Variants in NTN4 observed in about 807,000 individuals in gnomAD.
The protein encoded by NTN4 is netrin 4.
NTN4 carries 32 observed loss-of-function variants against 73.6 expected under a neutral mutation model. The ratio of observed to expected loss-of-function variants is 0.44; its 90% CI spans 0.33 to 0.58. The LOEUF is 0.58. Ranked by LOEUF, NTN4 falls within the 20% of genes least tolerant of loss-of-function variation. NTN4 has a pLI of 0.04. For missense variants in NTN4, 654 were observed against 798.3 expected (o/e 0.82, Z 2.18); for synonymous variants, 258 against 287.5 (o/e 0.90, Z 1.04).
At position 95,678,492 on chromosome 12, in the gene NTN4, C is replaced by T. The variant is rs190274287; in HGVS notation, c.1510+4215G>A. Among the ~76,000 whole-genome samples the T allele has an allele frequency of 1.7e-3, 261 of 151,666 alleles. 1 individual carries two copies. Among genetic ancestry groups the T allele is most frequent in the Admixed American group, 6.6e-4 (10 of 15,234 alleles). ...TTCAGCTAAAAGCAAAACTCATTAA[C>T]GATAAAATTAGAAATAGAAGAGAAT... On this transcript the variant is annotated intron_variant, in intron 7 of 9. Coordinates refer to ENST00000343702, the MANE Select transcript of NTN4 (RefSeq NM_021229.4).
At chr12:95,725,508 AT>A (rs1440908080) in intron 3 of NTN4, among the ~76,000 whole-genome samples, 6 of 152,172 alleles carry the variant, frequency 3.9e-5, no homozygotes, top group Non-Finnish European at 8.8e-5. Context: ...TCTTACAAAG[AT>A]TTTTTTAAAG....
intron 2 of NTN4, among the ~76,000 whole-genome samples, chr12:95,767,775 G>A (rs2079030070): frequency 6.6e-6 from 1 of 151,900 alleles, no homozygotes; most frequent in Non-Finnish European, 1.5e-5. Flanking sequence ...TTTTCCAGGA[G>A]GTGGTGATAG....
intron 3 of NTN4, among the ~76,000 whole-genome samples, chr12:95,733,890 C>T (rs1210630804): frequency 1.3e-5 from 2 of 151,626 alleles, no homozygotes; most frequent in African/African-American, 2.4e-5. Context: ...GCCTACAGGG[C>T]GAAACCCCAT....
chr12:95,741,920 G>A (rs913967339), intron 2 of NTN4, among the ~76,000 whole-genome samples: 26 of 151,900 alleles, frequency 1.7e-4, no homozygotes, highest in Non-Finnish European at 4.4e-5. Flanking sequence ...GAAATCAATG[G>A]GTAAAGGAAA....
chr12:95,671,536 G>C (rs1306977823), intron 7 of NTN4, among the ~76,000 whole-genome samples: 1 of 152,164 alleles, frequency 6.6e-6, no homozygotes, highest in Non-Finnish European at 1.5e-5. Flanking sequence ...TGTGAACTGT[G>C]CATGTGAGGG....
At chr12:95,751,633 C>T (rs2078908148) in intron 2 of NTN4, among the ~76,000 whole-genome samples, 2 of 152,068 alleles carry the variant, frequency 1.3e-5, no homozygotes, top group South Asian at 2.1e-4. Context: ...CAGATCTTCT[C>T]GGCTTAGCGG....
chr12:95,661,027 G>A (rs1592803678), intron 9 of NTN4, among the ~76,000 whole-genome samples: 1 of 152,076 alleles, frequency 6.6e-6, no homozygotes, highest in Non-Finnish European at 1.5e-5. Context: ...AGCAGGAAGG[G>A]GTTATAACTT....
At chr12:95,725,400 T>C (rs1293751605) in intron 3 of NTN4, among the ~76,000 whole-genome samples, 1 of 152,152 alleles carries the variant, frequency 6.6e-6, no homozygotes. Context: ...GATTATTAAG[T>C]ACTTTTCACC....
intron 5 of NTN4, among the ~76,000 whole-genome samples, chr12:95,685,723 A>G (rs1048564605): frequency 2.0e-5 from 3 of 152,178 alleles, no homozygotes; most frequent in African/African-American, 4.8e-5. Context: ...TGAGCAAGAT[A>G]CCTAGGCTCT....
chr12:95,765,837 A>C (rs1318003274), intron 2 of NTN4, among the ~76,000 whole-genome samples: 4 of 152,222 alleles, frequency 2.6e-5, no homozygotes, highest in African/African-American at 9.7e-5. Flanking sequence ...CAAAGGAAGA[A>C]TCCAAGGCCC....
chr12:95,749,300 C>G (rs1036768683), intron 2 of NTN4, among the ~76,000 whole-genome samples: 6 of 152,186 alleles, frequency 3.9e-5, no homozygotes, highest in Middle Eastern at 3.2e-3. Context: ...TGCTGTGACT[C>G]GAATTGGGGG....
chr12:95,744,580 T>C (rs1414046750), intron 2 of NTN4, among the ~76,000 whole-genome samples: 1 of 152,182 alleles, frequency 6.6e-6, no homozygotes. Flanking sequence ...CCTCAACCTT[T>C]GCACTGTTGT....
chr12:95,790,936 G>GGT, upstream of NTN4, among the ~76,000 whole-genome samples: 1 of 149,330 alleles, frequency 6.7e-6, no homozygotes, highest in South Asian at 2.1e-4. This position sits in a 1 kb window ranked among gnomAD's most constrained non-coding sequence, Gnocchi z 6.5. Flanking sequence ...CCCGGGGGGG[G>GGT]GGTCCCCCGC....
chr12:95,778,230 C>A (rs1219484622), intron 2 of NTN4, among the ~76,000 whole-genome samples: 1 of 151,732 alleles, frequency 6.6e-6, no homozygotes, highest in Non-Finnish European at 1.5e-5. Flanking sequence ...AAATTGACAC[C>A]CTAACATCAC....
At chr12:95,681,851 T>C (rs1056124600) in intron 7 of NTN4, among the ~76,000 whole-genome samples, 10 of 152,214 alleles carry the variant, frequency 6.6e-5, no homozygotes, top group Non-Finnish European at 1.0e-4. Flanking sequence ...ATTCAGTTAA[T>C]GTCATTAATT....
chr12:95,681,472 A>G (rs894018715), intron 7 of NTN4, among the ~76,000 whole-genome samples: 1 of 152,150 alleles, frequency 6.6e-6, no homozygotes, highest in Non-Finnish European at 1.5e-5. Context: ...ATTGCATAAC[A>G]TTTTTACTAC....
intron 3 of NTN4, among the ~76,000 whole-genome samples, chr12:95,722,973 C>CAA (rs71087998): frequency 0.46 from 25,603 of 55,206 alleles, 9,141 homozygotes; most frequent in Non-Finnish European, 0.6. Flanking sequence ...GACTCTGTCT[C>CAA]AAAAAAAAAA....
chr12:95,758,189 T>C (rs1480540466), intron 2 of NTN4, among the ~76,000 whole-genome samples: 1 of 152,262 alleles, frequency 6.6e-6, no homozygotes, highest in Non-Finnish European at 1.5e-5. Context: ...TTTGCATTTC[T>C]AGCAGCAATG....
chr12:95,683,619 C>A lies in NTN4; in HGVS notation c.1273G>T (p.Gly425Trp). 6.2e-7 allele frequency: 1 copy of A among 1,614,196 alleles called. No homozygotes were observed. Among genetic ancestry groups the A allele is most frequent in the South Asian group, 1.1e-5 (1 of 91,082 alleles). The change falls in exon 6 of 10, where the codon GGG (glycine) becomes TGG (tryptophan). Residue 425 changes from glycine to tryptophan, a missense_variant. Coordinates refer to ENST00000343702, the MANE Select transcript of NTN4 (RefSeq NM_021229.4). ...CTGTCACAACGTCGCCCTGCCACCC[C>A]AGGCTTGCAAGGGCAGTCACCATTG... ...PSNGDCPCKP[G>W]VAGRRCDRCM...
Sources: allele counts gnomAD v4.1 joint callset (sites outside exome capture counted in the v4.1 genomes callset), GRCh38; gene constraint gnomAD v4.1.1; non-coding constraint Gnocchi (gnomAD v3.1); transcripts MANE v1.5; gene names NCBI Gene and HGNC (gene_info 2026-07-23, HGNC 2026-07-21).